The following KAZN variants were observed in gnomAD, a reference collection of about 807,000 sequenced individuals.
KAZN encodes the protein kazrin.
In KAZN, 40 loss-of-function variants were observed where a neutral mutation model predicts 87.4. The observed-to-expected ratio is 0.46, with a 90% CI of 0.36 to 0.60. The LOEUF (loss-of-function observed/expected upper bound fraction) is 0.60, where lower values mean the gene tolerates loss of function less well. Ranked by LOEUF, KAZN falls within the 20% of genes least tolerant of loss-of-function variation. The pLI is 0.00. For synonymous variants in KAZN, 466 were observed against 458.3 expected (o/e 1.02, Z -0.22); for missense variants, 898 against 1,073.9 (o/e 0.84, Z 2.29).
intron 2 of KAZN, among the ~76,000 whole-genome samples, chr1:14,302,575 C>A (rs76944215): frequency 0.024 from 3,642 of 152,166 alleles, 159 homozygotes; most frequent in African/African-American, 0.083. Flanking sequence ...CCAGGTGTAA[C>A]AAGAATGTGT....
At chr1:13,958,406 TA>T (rs1641628406) in intron 1 of KAZN, among the ~76,000 whole-genome samples, 1 of 151,336 alleles carries the variant, frequency 6.6e-6, no homozygotes, top group African/African-American at 2.4e-5. Context: ...CCGTCTCTAC[TA>T]AAAATACAAA....
chr1:14,797,637 C>T (rs1274463255), intron 1 of KAZN, among the ~76,000 whole-genome samples: 1 of 152,136 alleles, frequency 6.6e-6, no homozygotes, highest in Non-Finnish European at 1.5e-5. Flanking sequence ...CTTTTTTATT[C>T]TATTCTGCAA....
At chr1:14,992,705 G>A (rs957115951) in intron 2 of KAZN, among the ~76,000 whole-genome samples, 8 of 151,950 alleles carry the variant, frequency 5.3e-5, no homozygotes, top group Middle Eastern at 3.2e-3. Context: ...GTGCAGCAGC[G>A]CAATCTCGTC....
Position 14,859,232 on chromosome 1 carries a change from C to T in KAZN, c.227-101452C>T, listed in dbSNP as rs993497126. ...TCTCAAAAAAAAAAAAAAAGAACTG[C>T]AATTCTAAGTAACCGCTCAGTGCAC... is the stretch of plus-strand genomic sequence containing the variant. On this transcript the variant is annotated intron_variant, in intron 1 of 14. Transcript: ENST00000376030. Among the ~76,000 whole-genome samples the T allele has an allele frequency of 1.6e-4, 25 of 151,562 alleles. 1 individual carries two copies. Among genetic ancestry groups the T allele is most frequent in the Non-Finnish European group, 1.0e-4 (7 of 67,906 alleles).
At chr1:14,586,768 G>A (rs1197783030) in intron 2 of KAZN, among the ~76,000 whole-genome samples, 2 of 151,980 alleles carry the variant, frequency 1.3e-5, no homozygotes, top group East Asian at 3.9e-4. Flanking sequence ...TCAAACTCTC[G>A]GGCTCAAGTG....
At chr1:14,481,757 G>A (rs1431318144) in intron 2 of KAZN, among the ~76,000 whole-genome samples, 1 of 152,180 alleles carries the variant, frequency 6.6e-6, no homozygotes, top group Admixed American at 6.5e-5. Flanking sequence ...GAGAGATTGT[G>A]GAGAGGTGGA....
intron 10 of KAZN, among the ~76,000 whole-genome samples, chr1:15,098,235 T>C (rs3752934): frequency 0.83 from 126,247 of 152,298 alleles, 52,638 homozygotes; most frequent in African/African-American, 0.9. Flanking sequence ...AGTTCAGGGA[T>C]GGGGCAGTGA....
chr1:14,444,992 G>T (rs962958293), intron 2 of KAZN, among the ~76,000 whole-genome samples: 2 of 151,002 alleles, frequency 1.3e-5, no homozygotes, highest in African/African-American at 2.4e-5. Flanking sequence ...TTAAAATGAG[G>T]TCATTAGGGT....
intron 2 of KAZN, among the ~76,000 whole-genome samples, chr1:14,524,171 A>G (rs1407587486): frequency 1.3e-5 from 2 of 151,906 alleles, no homozygotes; most frequent in African/African-American, 2.4e-5. Context: ...ACAGGCATGC[A>G]CCACCACGCC....
rs570935605 is a variant in KAZN, at chr1:14,635,495, C to T, written c.226+36272C>T. ...GTGCCTGGGTCAGTGTTGGGTGCCT[C>T]GCGGCTCTAGGTCCAGACTGGCTTC... On this transcript the variant is annotated intron_variant, in intron 1 of 14. Coordinates refer to ENST00000376030, the MANE Select transcript of KAZN (RefSeq NM_201628.3). 2.0e-5 allele frequency among the ~76,000 whole-genome samples: 3 copies of T among 152,266 alleles called. No homozygotes were observed. The East Asian group carries it at 5.8e-4, about 29-fold the overall frequency.
Position 15,043,977 on chromosome 1 carries a change from T to C in KAZN, c.556-12T>C. ...TAACACCCACGGTGCTCTCTCCCTC[T>C]CCCACCCACAGGAGAGCGAGGATGC... On this transcript the variant is annotated splice_polypyrimidine_tract_variant and intron_variant, in intron 3 of 14. Coordinates refer to ENST00000376030, the MANE Select transcript of KAZN (RefSeq NM_201628.3). The C allele has an allele frequency of 6.2e-7, 1 of 1,600,330 alleles. No homozygotes were observed. The highest frequency in any genetic ancestry group is 8.5e-7 in the Non-Finnish European group (1 of 1,172,178).
intron 2 of KAZN, among the ~76,000 whole-genome samples, chr1:14,581,119 G>C (rs547690332): frequency 6.6e-6 from 1 of 151,936 alleles, no homozygotes; most frequent in South Asian, 2.1e-4. Context: ...CATATTTCCA[G>C]CTCAAACCCC....
At chr1:14,476,161 ACT>A (rs538606638) in intron 2 of KAZN, among the ~76,000 whole-genome samples, 95 of 151,850 alleles carry the variant, frequency 6.3e-4, no homozygotes, top group African/African-American at 2.1e-3. Flanking sequence ...CAGTGCTGGG[ACT>A]CTCTACTATT....
intron 1 of KAZN, among the ~76,000 whole-genome samples, chr1:14,049,255 G>T (rs1642206214): frequency 6.7e-6 from 1 of 149,740 alleles, no homozygotes; most frequent in Non-Finnish European, 1.5e-5. Context: ...TCATAGGTGG[G>T]AATTGAACAA....
At chr1:14,727,774 A>G (rs1572335265) in intron 1 of KAZN, among the ~76,000 whole-genome samples, 1 of 151,190 alleles carries the variant, frequency 6.6e-6, no homozygotes, top group African/African-American at 2.4e-5. Context: ...TGTGTATTTT[A>G]TTTCTATCAT....
At chr1:14,815,581 A>G (rs1438011757) in intron 1 of KAZN, among the ~76,000 whole-genome samples, 6 of 152,266 alleles carry the variant, frequency 3.9e-5, no homozygotes, top group African/African-American at 1.4e-4. Context: ...GGAGGAAGCA[A>G]CAGAATCATT....
At chr1:13,927,249 T>C (rs1008372465) in intron 1 of KAZN, among the ~76,000 whole-genome samples, 1 of 152,160 alleles carries the variant, frequency 6.6e-6, no homozygotes, top group Non-Finnish European at 1.5e-5. Context: ...CTGGTCCTAG[T>C]GCAGTTGGAG....
intron 1 of KAZN, among the ~76,000 whole-genome samples, chr1:14,108,239 C>G (rs140224866): frequency 6.6e-6 from 1 of 152,126 alleles, no homozygotes; most frequent in East Asian, 1.9e-4. Context: ...TTCTAGGAAG[C>G]CTTCTCCCCA....
intron 2 of KAZN, among the ~76,000 whole-genome samples, chr1:14,513,414 G>A (rs1671022989): frequency 1.3e-5 from 2 of 152,128 alleles, no homozygotes; most frequent in African/African-American, 4.8e-5. Flanking sequence ...GCTGGGAATA[G>A]CAGCCATTTT....
Sources: gnomAD v4.1 joint callset for allele counts (sites outside exome capture counted in the v4.1 genomes callset) on GRCh38, gnomAD v4.1.1 for gene constraint, MANE v1.5 for transcripts, NCBI Gene and HGNC (gene_info 2026-07-23, HGNC 2026-07-21) for gene names.